ITGB1: variants seen among roughly 807,000 people sequenced by gnomAD.
ITGB1 encodes the protein integrin subunit beta 1, also known as integrin beta-1.
Under a neutral mutation model 86.5 loss-of-function variants are expected in ITGB1, and 24 were observed. The ratio of observed to expected loss-of-function variants is 0.28; its 90% CI spans 0.20 to 0.39. ITGB1 has a LOEUF of 0.39. ITGB1 is among the 10% of genes least tolerant of loss of function. ITGB1 has a pLI of 1.00. For synonymous variants in ITGB1, 323 were observed against 316.8 expected (o/e 1.02, Z -0.21); for missense variants, 556 against 946.9 (o/e 0.59, Z 5.42).
In ITGB1 at chr10:32,900,362, A is replaced by C. The variant is rs2094878621; in HGVS notation, c.*1208T>G. ...TAATCTATAAAAATTTCATGCACACAACCTGATAAAATACATCAGAGTCAA... is the reference window on the plus strand; with the variant it reads ...TAATCTATAAAAATTTCATGCACACCACCTGATAAAATACATCAGAGTCAA... On this transcript the variant is annotated 3_prime_UTR_variant, in exon 16 of 16. Transcript: ENST00000302278. 1 of 152,598 alleles carries C rather than the reference A, an allele frequency of 6.6e-6. No homozygotes were observed. 9.5% of individuals were successfully genotyped at this position (152,598 alleles called of 1,614,324 possible). A position where few individuals can be genotyped will look rare whatever the true frequency, so the allele number is the denominator to read the frequency against.
In ITGB1 at chr10:32,910,302, A is replaced by G. The variant is rs1421932530; in HGVS notation, c.2085T>C (p.Asp695=). Residue 695 remains aspartate (D), a synonymous_variant, in exon 14 of 16, where the codon GAT becomes GAC. Coordinates refer to ENST00000302278, the MANE Select transcript of ITGB1 (RefSeq NM_002211.4). The part of the protein sequence containing the change: ...PDPVSHCKEK[D]VDDCWFYFTY... ...TAAAATAGAACCAACAGTCGTCAACATCCTTCTCCTTACAATGGGACACAG... is the reference window on the plus strand; with the variant it reads ...TAAAATAGAACCAACAGTCGTCAACGTCCTTCTCCTTACAATGGGACACAG... 1.9e-6 allele frequency: 3 copies of G among 1,605,728 alleles called. No individual in the cohort carries two copies. Among genetic ancestry groups the G allele is most frequent in the Non-Finnish European group, 2.6e-6 (3 of 1,173,578 alleles).
At chr10:32,903,005 T>C (rs1406374112) in intron 15 of ITGB1, among the ~76,000 whole-genome samples, 1 of 151,978 alleles carries the variant, frequency 6.6e-6, no homozygotes, top group Non-Finnish European at 1.5e-5. Flanking sequence ...AGTCAAGGTG[T>C]AGGGAAAAGA....
At chr10:32,957,288 G>T (rs1015168163) in intron 1 of ITGB1, among the ~76,000 whole-genome samples, 1 of 152,162 alleles carries the variant, frequency 6.6e-6, no homozygotes, top group Non-Finnish European at 1.5e-5. Context: ...TTAAATAAAA[G>T]TTACTTAGAG....
intron 1 of ITGB1, among the ~76,000 whole-genome samples, chr10:32,947,471 G>A (rs141434647): frequency 5.4e-5 from 8 of 148,108 alleles, no homozygotes; most frequent in East Asian, 2.0e-4. Flanking sequence ...GTGTGTGTAC[G>A]TACATACACA....
chr10:32,907,349 T>C (rs917532967), intron 15 of ITGB1, among the ~76,000 whole-genome samples: 1 of 152,170 alleles, frequency 6.6e-6, no homozygotes, highest in African/African-American at 2.4e-5. Context: ...ATACTGAAGA[T>C]TGGCATTGCT....
chr10:32,954,514 A>C (rs954815515), intron 1 of ITGB1, among the ~76,000 whole-genome samples: 2 of 152,182 alleles, frequency 1.3e-5, no homozygotes, highest in African/African-American at 4.8e-5. Context: ...TGCAATTTAT[A>C]AATTCAGATA....
chr10:32,944,437 G>A (rs564339858), intron 1 of ITGB1: 5 of 328,342 alleles, frequency 1.5e-5, no homozygotes, highest in African/African-American at 6.5e-5. Context: ...TGGGGGCCCT[G>A]GGCTAGGCAA....
intron 1 of ITGB1, among the ~76,000 whole-genome samples, chr10:32,945,272 G>T (rs1173169867): frequency 6.6e-6 from 1 of 152,078 alleles, no homozygotes; most frequent in Admixed American, 6.5e-5. Context: ...AAAATTAAAT[G>T]AACAATTGGT....
intron 11 of ITGB1, among the ~76,000 whole-genome samples, chr10:32,913,366 T>C (rs1240344313): frequency 6.6e-6 from 1 of 151,988 alleles, no homozygotes; most frequent in Non-Finnish European, 1.5e-5. Context: ...ATAACAAACT[T>C]GTCCGAGCTA....
intron 5 of ITGB1, among the ~76,000 whole-genome samples, chr10:32,926,718 T>C (rs1197563469): frequency 6.6e-6 from 1 of 151,738 alleles, no homozygotes; most frequent in East Asian, 1.9e-4. Flanking sequence ...AATTACCCAG[T>C]GTCAGATATG....
chr10:32,952,992 C>G (rs1328117373), intron 1 of ITGB1, among the ~76,000 whole-genome samples: 2 of 152,186 alleles, frequency 1.3e-5, no homozygotes, highest in African/African-American at 2.4e-5. Flanking sequence ...TTTTATATAG[C>G]CTTCACATAT....
chr10:32,935,467 A>T (rs1470768598), intron 2 of ITGB1, 25 bp downstream of exon 2: 7 of 1,526,292 alleles, frequency 4.6e-6, no homozygotes, highest in Non-Finnish European at 6.4e-6. Flanking sequence ...ATGAAAAGAC[A>T]ACTAAGAAAA....
rs1424511424 is a variant in ITGB1, at chr10:32,944,893, CA to C, written c.1-9336del. On this transcript the variant is annotated intron_variant, in intron 1 of 15. Coordinates refer to ENST00000302278, the MANE Select transcript of ITGB1 (RefSeq NM_002211.4). Reference sequence around the variant, plus strand: ...AGGATGATAAACCAGAGACGGTTATCAAAAGACTAAAGGCTTATGAAGCCCA... The same window carrying C: ...AGGATGATAAACCAGAGACGGTTATCAAAGACTAAAGGCTTATGAAGCCCA... 4.5e-6 allele frequency: 6 copies of C among 1,342,178 alleles called. No homozygotes were observed. The African/African-American group carries it at 7.2e-5, about 16-fold the overall frequency. The allele number at this position is 1,342,178 out of a possible 1,614,324, so 83.1% of individuals were successfully genotyped here.
At chr10:32,908,837 T>A (rs1486567625) in intron 14 of ITGB1, among the ~76,000 whole-genome samples, 1 of 152,206 alleles carries the variant, frequency 6.6e-6, no homozygotes, top group African/African-American at 2.4e-5. Flanking sequence ...ACAAAATATA[T>A]GCAAGATTTG....
chr10:32,935,698 C>G, intron 1 of ITGB1, 140 bp from the exon 2 acceptor site: 1 of 630,422 alleles, frequency 1.6e-6, no homozygotes, highest in Non-Finnish European at 2.8e-6. Context: ...CAGCCCCTCT[C>G]CACAGACCCT....
At chr10:32,954,809 G>A (rs2095049237) in intron 1 of ITGB1, among the ~76,000 whole-genome samples, 1 of 152,172 alleles carries the variant, frequency 6.6e-6, no homozygotes, top group Admixed American at 6.5e-5. Context: ...CGTTTCATGA[G>A]GTGATATGCA....
chr10:32,935,612 C>T (rs2094999087), intron 1 of ITGB1, 54 bp from the exon 2 acceptor site: 3 of 1,283,696 alleles, frequency 2.3e-6, no homozygotes, highest in Admixed American at 3.5e-5. Context: ...ATGAAAAATG[C>T]ATTAAATAGA....
chr10:32,953,749 G>C (rs2095047093), intron 1 of ITGB1: 1 of 152,130 alleles, frequency 6.6e-6, no homozygotes, highest in South Asian at 2.1e-4. Flanking sequence ...CTGACACCCA[G>C]GTTTCCTGTC....
At chr10:32,908,256 T>TA in intron 15 of ITGB1, 112 bp downstream of exon 15, 2 of 1,060,342 alleles carry the variant, frequency 1.9e-6, no homozygotes, top group Non-Finnish European at 2.9e-6. Flanking sequence ...TTTGGGGGAA[T>TA]AAAATACTTA....
Sources: allele counts gnomAD v4.1 joint callset (sites outside exome capture counted in the v4.1 genomes callset), GRCh38; gene constraint gnomAD v4.1.1; transcripts MANE v1.5; gene names NCBI Gene and HGNC (gene_info 2026-07-23, HGNC 2026-07-21).